Variants in TESK2 observed in about 807,000 individuals in gnomAD.
The protein encoded by TESK2 is dual specificity testis-specific protein kinase 2.
Under a neutral mutation model 57.1 loss-of-function variants are expected in TESK2, and 39 were observed. That is an observed-to-expected ratio of 0.68 (90% confidence interval 0.53 to 0.89). The LOEUF is 0.89. Ranked by LOEUF, TESK2 falls within the 40% of genes least tolerant of loss-of-function variation. TESK2 has a pLI of 0.00. For missense variants in TESK2, 646 were observed against 732.1 expected (o/e 0.88, Z 1.36); for synonymous variants, 249 against 267.9 (o/e 0.93, Z 0.69).
intron 4 of TESK2, among the ~76,000 whole-genome samples, chr1:45,380,678 C>T (rs541688662): frequency 1.2e-3 from 180 of 152,288 alleles, no homozygotes; most frequent in African/African-American, 3.9e-3. Context: ...CTCTGGACAG[C>T]GTCAATTTAA....
chr1:45,412,556 T>C (rs913869622), intron 3 of TESK2, among the ~76,000 whole-genome samples: 6 of 152,340 alleles, frequency 3.9e-5, no homozygotes, highest in Admixed American at 2.0e-4. Flanking sequence ...AAGAAGCCTC[T>C]ATTTCTCTTG....
At position 45,365,464 on chromosome 1, in the gene TESK2, C is replaced by A. The variant is rs184826665; in HGVS notation, c.394-10015G>T. On this transcript the variant is annotated intron_variant, in intron 4 of 10. Transcript: ENST00000372086. ...TATATGCTTGCTGAATACCCTTCTT[C>A]ATAGCTTTGCTAATTCTTATTCATC... Among the ~76,000 whole-genome samples the A allele has an allele frequency of 2.0e-3, 311 of 152,276 alleles. 3 individuals carry two copies. The highest frequency in any genetic ancestry group is 7.2e-3 in the African/African-American group (299 of 41,556).
At chr1:45,490,354 A>G (rs974082689) in intron 1 of TESK2, among the ~76,000 whole-genome samples, 3 of 152,132 alleles carry the variant, frequency 2.0e-5, no homozygotes, top group African/African-American at 7.2e-5. Context: ...AGGAAGGGAG[A>G]CGATGACAAG....
At chr1:45,453,039 C>T (rs1651930970) in intron 2 of TESK2, among the ~76,000 whole-genome samples, 1 of 151,526 alleles carries the variant, frequency 6.6e-6, no homozygotes, top group Admixed American at 6.6e-5. Flanking sequence ...AAGTGAGATC[C>T]TGTCTCTAAG....
intron 1 of TESK2, among the ~76,000 whole-genome samples, chr1:45,483,257 G>T (rs187260547): frequency 6.7e-6 from 1 of 149,100 alleles, no homozygotes; most frequent in African/African-American, 2.5e-5. Flanking sequence ...CTCCAGCCTG[G>T]ACAATAGAGA....
chr1:45,479,805 A>T (rs1653139995), intron 1 of TESK2, among the ~76,000 whole-genome samples: 1 of 146,260 alleles, frequency 6.8e-6, no homozygotes, highest in Non-Finnish European at 1.5e-5. Flanking sequence ...GAAATGCAGA[A>T]GGCCCTTCTT....
At position 45,347,047 on chromosome 1, in the gene TESK2, AAG is replaced by A; in HGVS notation, c.722_723del (p.Ser241LeufsTer30). On this transcript the variant is annotated frameshift_variant, in exon 8 of 11. Coordinates refer to ENST00000372086, the MANE Select transcript of TESK2 (RefSeq NM_007170.3). LOFTEE classifies it high-confidence loss of function. ...EPYNEKADVFSYGIILCEIIA... is the reference protein window; with the variant it reads ...EPYNEKADVFXYGIILCEIIA... ...ATGATCTCGCAGAGGATGATACCATAAGAGAACACATCTGCCTGGTGGGTAGT... is the reference window on the plus strand; with the variant it reads ...ATGATCTCGCAGAGGATGATACCATAAGAACACATCTGCCTGGTGGGTAGT... The A allele has an allele frequency of 1.2e-6, 2 of 1,614,148 alleles. No individual in the cohort carries two copies. The highest frequency in any genetic ancestry group is 1.1e-5 in the South Asian group (1 of 91,070).
At chr1:45,431,421 G>T (rs1269378144) in intron 2 of TESK2, among the ~76,000 whole-genome samples, 1 of 142,940 alleles carries the variant, frequency 7.0e-6, no homozygotes, top group Non-Finnish European at 1.5e-5. Flanking sequence ...CTATCTAAAA[G>T]AAAAAAAAAA....
At position 45,465,414 on chromosome 1, in the gene TESK2, AAGAGAG is replaced by A. The variant is rs35969225; in HGVS notation, c.-86-7549_-86-7544del. Among the ~76,000 whole-genome samples, 130 of 140,282 alleles carry A rather than the reference AAGAGAG, an allele frequency of 9.3e-4. No homozygotes were observed. In the Middle Eastern group the frequency reaches 0.014, roughly 15 times the overall value. 92.0% of individuals were successfully genotyped at this position (140,282 alleles called of 152,430 possible). A position where few individuals can be genotyped will look rare whatever the true frequency, so the allele number is the denominator to read the frequency against. On this transcript the variant is annotated intron_variant, in intron 1 of 10. Transcript: ENST00000372086. The stretch of plus-strand genomic sequence containing the variant: ...TGACAGAGTGAGACTCCAAAAAAGA[AAGAGAG>A]AGAGAGAGAGAGAGAGAAAGAGAAA...
intron 4 of TESK2, among the ~76,000 whole-genome samples, chr1:45,382,530 T>C (rs1207393810): frequency 6.6e-6 from 1 of 152,168 alleles, no homozygotes; most frequent in Non-Finnish European, 1.5e-5. Context: ...TGAACTACCA[T>C]GCCCAGACTA....
At chr1:45,381,240 T>C (rs1272291199) in intron 4 of TESK2, among the ~76,000 whole-genome samples, 1 of 152,216 alleles carries the variant, frequency 6.6e-6, no homozygotes, top group Non-Finnish European at 1.5e-5. Flanking sequence ...ATCTGCTGAC[T>C]GGGATATTTA....
chr1:45,347,206 G>C lies in TESK2; in HGVS notation c.709-144C>G. ...CATACTTCATCCCAGTCAGTCACTG[G>C]GCAGCTGCCAGGTACCACCACTGCT... On this transcript the variant is annotated intron_variant, in intron 7 of 10. Transcript: ENST00000372086. The C allele has an allele frequency of 4.5e-6, 3 of 666,870 alleles. No homozygotes were observed. In the South Asian group the frequency reaches 5.5e-5, roughly 12 times the overall value. The allele number at this position is 666,870 out of a possible 1,614,324, so 41.3% of individuals were successfully genotyped here.
chr1:45,480,593 C>G (rs1440848387), intron 1 of TESK2, among the ~76,000 whole-genome samples: 4 of 151,582 alleles, frequency 2.6e-5, no homozygotes, highest in Admixed American at 2.0e-4. Context: ...ACATAAATGT[C>G]CATTATAAGG....
chr1:45,440,543 G>A (rs907915785), intron 2 of TESK2, among the ~76,000 whole-genome samples: 4 of 151,688 alleles, frequency 2.6e-5, no homozygotes, highest in South Asian at 2.1e-4. Flanking sequence ...GCAAAACCCC[G>A]CCTCTACTAA....
chr1:45,395,590 C>CTTTCT (rs200966957), intron 3 of TESK2, among the ~76,000 whole-genome samples: 58 of 150,264 alleles, frequency 3.9e-4, no homozygotes, highest in African/African-American at 1.0e-3. Context: ...ATTTACACTC[C>CTTTCT]TTTCTTTTCT....
intron 5 of TESK2, among the ~76,000 whole-genome samples, chr1:45,352,092 A>G (rs1334478340): frequency 3.3e-5 from 5 of 152,232 alleles, no homozygotes; most frequent in Non-Finnish European, 7.3e-5. Flanking sequence ...CTCAGAGATG[A>G]TAAAAGGGCA....
chr1:45,422,780 T>TTGTTGTTGTTG (rs1234266587), intron 2 of TESK2, among the ~76,000 whole-genome samples: 2 of 10,242 alleles, frequency 2.0e-4, no homozygotes, highest in African/African-American at 5.1e-4. Flanking sequence ...TGTTGTTGTT[T>TTGTTGTTGTTG]TTGTTTTGAG....
Position 45,354,750 on chromosome 1 carries a change from C to T in TESK2, c.540+553G>A, listed in dbSNP as rs1647333771. On this transcript the variant is annotated intron_variant, in intron 5 of 10. Transcript: ENST00000372086. ...GCTGCAGTGAGCCGAGACCATGCCA[C>T]TGTACTCCAGCCTGAGTGACAAGGT... 2.4e-5 allele frequency among the ~76,000 whole-genome samples: 3 copies of T among 125,236 alleles called. 1 individual carries two copies. The South Asian group carries it at 8.1e-4, about 34-fold the overall frequency. 82.2% of individuals were successfully genotyped at this position (125,236 alleles called of 152,430 possible).
At chr1:45,429,786 C>T (rs1650874823) in intron 2 of TESK2, among the ~76,000 whole-genome samples, 1 of 152,148 alleles carries the variant, frequency 6.6e-6, no homozygotes, top group South Asian at 2.1e-4. Context: ...ACTAAAGTCC[C>T]TCCGCTTTAA....
Sources: gnomAD v4.1 joint callset for allele counts (sites outside exome capture counted in the v4.1 genomes callset) on GRCh38, gnomAD v4.1.1 for gene constraint, MANE v1.5 for transcripts, NCBI Gene and HGNC (gene_info 2026-07-23, HGNC 2026-07-21) for gene names.